ZMIZ1: variants seen among roughly 807,000 people sequenced by gnomAD.
ZMIZ1 encodes zinc finger MIZ-type containing 1.
A neutral mutation model predicts 113.9 loss-of-function variants in ZMIZ1; 17 were observed. That is an observed-to-expected ratio of 0.15 (90% CI 0.10 to 0.22). ZMIZ1 has a LOEUF of 0.22. Among genes scored for constraint, ZMIZ1 ranks in the 10% least tolerant of loss-of-function variants. The pLI, the probability that ZMIZ1 is intolerant of heterozygous loss-of-function variation, is 1.00. For synonymous variants in ZMIZ1, 607 were observed against 603.1 expected, an observed-to-expected ratio of 1.01 and a Z score of -0.09; for missense variants, 1,059 against 1,477.8, an observed-to-expected ratio of 0.72 and a Z score of 4.65.
chr10:79,245,150 C>T (rs2132854604), intron 7 of ZMIZ1, among the ~76,000 whole-genome samples: 1 of 152,336 alleles, frequency 6.6e-6, no homozygotes, highest in African/African-American at 2.4e-5. Context: ...GAGTTTACAC[C>T]TCGCTACATA....
rs768379954 is a variant in ZMIZ1, at chr10:79,118,500, G to A, written c.-336-415G>A. On this transcript the variant is annotated intron_variant, in intron 1 of 24. Coordinates refer to ENST00000334512, the MANE Select transcript of ZMIZ1 (RefSeq NM_020338.4). This position sits in a 1 kb window ranked among gnomAD's most constrained non-coding sequence, Gnocchi z 4.1. ...AGGGGCTGGTGAGAGAGGGCTCCAC[G>A]GAAGCACTTGAGCAGAGTCTCAAAG... Among the ~76,000 whole-genome samples the A allele has an allele frequency of 3.3e-5, 5 of 152,130 alleles. No individual in the cohort carries two copies. Among genetic ancestry groups the A allele is most frequent in the African/African-American group, 7.2e-5 (3 of 41,438 alleles).
intron 1 of ZMIZ1, among the ~76,000 whole-genome samples, chr10:79,073,838 C>CA (rs34518733): frequency 1.3e-5 from 2 of 151,532 alleles, no homozygotes; most frequent in African/African-American, 2.4e-5. Flanking sequence ...GGGGTTGGGT[C>CA]GGGCCCGGCA....
rs183787298 is a variant in ZMIZ1 at position 79,118,351 on chromosome 10, G to A, written c.-336-564G>A. 3.3e-5 allele frequency among the ~76,000 whole-genome samples: 5 copies of A among 152,322 alleles called. No individual in the cohort carries two copies. The East Asian group carries it at 7.7e-4, about 24-fold the overall frequency. On this transcript the variant is annotated intron_variant, in intron 1 of 24. Coordinates refer to ENST00000334512, the MANE Select transcript of ZMIZ1 (RefSeq NM_020338.4). This position sits in a 1 kb window ranked among gnomAD's most constrained non-coding sequence, Gnocchi z 4.1. Reference sequence around the variant, plus strand: ...TCCTTGTTAACCAGTTCAGAGGACAGAGAGAAACTAGACTTCACTCCCAAT... The same window carrying A: ...TCCTTGTTAACCAGTTCAGAGGACAAAGAGAAACTAGACTTCACTCCCAAT...
intron 17 of ZMIZ1, among the ~76,000 whole-genome samples, 189 bp from the exon 18 acceptor site, chr10:79,301,918 C>G (rs1854326806): frequency 6.6e-6 from 1 of 152,162 alleles, no homozygotes; most frequent in African/African-American, 2.4e-5. Flanking sequence ...CAAAGTCCAC[C>G]TTGTCGATCT....
chr10:79,086,509 T>C (rs1842817622), intron 1 of ZMIZ1, among the ~76,000 whole-genome samples: 1 of 152,214 alleles, frequency 6.6e-6, no homozygotes, highest in African/African-American at 2.4e-5. Flanking sequence ...CTTTTTATTT[T>C]TATTACTTCA....
chr10:79,158,669 C>T (rs1278041550), intron 3 of ZMIZ1, among the ~76,000 whole-genome samples: 2 of 152,282 alleles, frequency 1.3e-5, no homozygotes, highest in African/African-American at 4.8e-5. Context: ...GACTCAGCCC[C>T]GGGTCAACAT....
At chr10:79,155,862 A>G (rs1311794779) in intron 3 of ZMIZ1, among the ~76,000 whole-genome samples, 1 of 152,250 alleles carries the variant, frequency 6.6e-6, no homozygotes, top group African/African-American at 2.4e-5. Flanking sequence ...CTCCTGCCTG[A>G]AAGACTGCCC....
Position 79,274,582 on chromosome 10 carries a change from AAGG to A in ZMIZ1, c.281-2596_281-2594del, listed in dbSNP as rs1852151266. 8.5e-5 allele frequency among the ~76,000 whole-genome samples: 13 copies of A among 152,210 alleles called. No individual in the cohort carries two copies. In the South Asian group the frequency reaches 1.2e-3, roughly 15 times the overall value. On this transcript the variant is annotated intron_variant, in intron 7 of 24. Transcript: ENST00000334512. ...AACAACTTGTGTTGGTTTGCACCAT[AAGG>A]AGAACACGCACAACATCCACTGCCC...
intron 7 of ZMIZ1, among the ~76,000 whole-genome samples, chr10:79,276,403 G>T (rs759409914): frequency 9.2e-5 from 14 of 152,296 alleles, no homozygotes; most frequent in Non-Finnish European, 1.5e-4. Context: ...GAAAATGGAA[G>T]TTTTCCCCAG....
In ZMIZ1 at chr10:79,292,261, G is replaced by A. The variant is rs773793476; in HGVS notation, c.862G>A (p.Val288Met). The A allele has an allele frequency of 1.9e-6, 3 of 1,612,054 alleles. No homozygotes were observed. The Admixed American group carries it at 5.0e-5, about 27-fold the overall frequency. Residue 288 changes from valine (V) to methionine (M), a missense_variant, in exon 11 of 25, where the codon GTG becomes ATG. By Grantham distance (21) the Val-to-Met change is conservative. Coordinates refer to ENST00000334512, the MANE Select transcript of ZMIZ1 (RefSeq NM_020338.4). ...QPAAAAAAAA[V>M]AAAAATATAT... ...CGCGGCAGCCGCTGCAGCAGCGGCA[G>A]TGGCAGCAGCAGCAGCCACAGCTAC...
intron 1 of ZMIZ1, among the ~76,000 whole-genome samples, chr10:79,095,914 C>G (rs1383903037): frequency 6.6e-6 from 1 of 152,252 alleles, no homozygotes; most frequent in Non-Finnish European, 1.5e-5. Flanking sequence ...GTGTGGCCAT[C>G]TAGGGATGTC....
intron 2 of ZMIZ1, 21 bp from the exon 3 acceptor site, chr10:79,139,661 A>C: frequency 2.5e-6 from 1 of 398,628 alleles, no homozygotes; most frequent in Non-Finnish European, 4.4e-6. Context: ...CACACGTCTC[A>C]TCTCTCCCCT....
chr10:79,304,263 G>A, intron 19 of ZMIZ1, 88 bp downstream of exon 19: 3 of 1,502,024 alleles, frequency 2.0e-6, no homozygotes, highest in Non-Finnish European at 2.7e-6. Flanking sequence ...AACAGAGCCT[G>A]TCCTAACACT....
intron 4 of ZMIZ1, among the ~76,000 whole-genome samples, chr10:79,178,265 A>C (rs1192059034): frequency 6.6e-6 from 1 of 152,176 alleles, no homozygotes; most frequent in Non-Finnish European, 1.5e-5. Context: ...TCGAGTGCTC[A>C]TGGCCGCCCT....
chr10:79,165,866 G>T (rs1030802325), intron 4 of ZMIZ1, among the ~76,000 whole-genome samples: 7 of 149,576 alleles, frequency 4.7e-5, no homozygotes, highest in Non-Finnish European at 7.4e-5. Flanking sequence ...TGCTAGGGGG[G>T]TCCTCTGTGA....
At chr10:79,093,451 C>T (rs1349722664) in intron 1 of ZMIZ1, among the ~76,000 whole-genome samples, 2 of 151,956 alleles carry the variant, frequency 1.3e-5, no homozygotes, top group African/African-American at 2.4e-5. Flanking sequence ...CTCAGCCTCC[C>T]GAGTAACTGG....
At chr10:79,091,838 G>A (rs186714902) in intron 1 of ZMIZ1, among the ~76,000 whole-genome samples, 2 of 152,310 alleles carry the variant, frequency 1.3e-5, no homozygotes, top group East Asian at 3.9e-4. Context: ...ACTTATTCTA[G>A]AAGTGGGGAG....
chr10:79,302,232 G>A lies in ZMIZ1; in HGVS notation c.2125+20G>A, dbSNP rs535381644. On this transcript the variant is annotated intron_variant, in intron 18 of 24. Transcript: ENST00000334512. ...CGAAAAGTGAGTCAGGGTGGGGACG[G>A]GGGTGAGGGCCAGACTCCATCCCCG... The A allele has an allele frequency of 1.9e-6, 3 of 1,609,092 alleles. No homozygotes were observed. The highest frequency in any genetic ancestry group is 2.2e-5 in the East Asian group (1 of 44,858).
chr10:79,251,542 G>T (rs79465805), intron 7 of ZMIZ1, among the ~76,000 whole-genome samples: 1,978 of 152,246 alleles, frequency 0.013, 50 homozygotes, highest in African/African-American at 0.045. Flanking sequence ...CCATACATCT[G>T]TTGGGGGTAC....
Sources: gnomAD v4.1 joint callset for allele counts (sites outside exome capture counted in the v4.1 genomes callset) on GRCh38, gnomAD v4.1.1 for gene constraint, Gnocchi (gnomAD v3.1) non-coding constraint, MANE v1.5 for transcripts, NCBI Gene and HGNC (gene_info 2026-07-23, HGNC 2026-07-21) for gene names.